The following TENM2 variants were observed in gnomAD, a reference collection of about 807,000 sequenced individuals.
TENM2 encodes teneurin-2.
TENM2 carries 52 observed loss-of-function variants against 245.2 expected under a neutral mutation model. That is an observed-to-expected ratio of 0.21 (90% CI 0.17 to 0.27). The LOEUF (loss-of-function observed/expected upper bound fraction) is 0.27, where lower values mean the gene tolerates loss of function less well. TENM2 is among the 10% of genes least tolerant of loss of function. TENM2 has a pLI of 1.00. For missense variants in TENM2, 3,046 were observed against 3,666.8 expected (o/e 0.83, Z 4.37); for synonymous variants, 1,363 against 1,438.9 (o/e 0.95, Z 1.19).
At chr5:167,803,935 G>T (rs1351145534) in intron 2 of TENM2, among the ~76,000 whole-genome samples, 2 of 152,086 alleles carry the variant, frequency 1.3e-5, no homozygotes, top group South Asian at 2.1e-4. Context: ...GGCTGATATT[G>T]GTTGAGCATC....
intron 2 of TENM2, among the ~76,000 whole-genome samples, chr5:167,484,455 T>C (rs922752480): frequency 2.6e-5 from 4 of 152,058 alleles, no homozygotes; most frequent in Admixed American, 2.6e-4. Flanking sequence ...TGTCCATATA[T>C]GAATCAATGA....
intron 2 of TENM2, among the ~76,000 whole-genome samples, chr5:167,481,516 GT>G (rs1767758247): frequency 6.6e-6 from 1 of 152,172 alleles, no homozygotes; most frequent in South Asian, 2.1e-4. Flanking sequence ...GCACGGTTCT[GT>G]AGCTGCAACA....
At chr5:167,937,183 A>G (rs1023157324) in intron 3 of TENM2, among the ~76,000 whole-genome samples, 2 of 152,216 alleles carry the variant, frequency 1.3e-5, no homozygotes, top group African/African-American at 2.4e-5. Flanking sequence ...ATACTTTGTT[A>G]TTAACTCTAG....
intron 2 of TENM2, among the ~76,000 whole-genome samples, chr5:167,800,377 G>A (rs1471029568): frequency 6.6e-6 from 1 of 152,180 alleles, no homozygotes; most frequent in African/African-American, 2.4e-5. Flanking sequence ...AAAACGAATG[G>A]AAGTCTGTCG....
At chr5:167,589,032 G>C (rs1775697279) in intron 2 of TENM2, among the ~76,000 whole-genome samples, 1 of 152,008 alleles carries the variant, frequency 6.6e-6, no homozygotes, top group East Asian at 1.9e-4. Context: ...AAAACCCTGT[G>C]TCTACTAAAA....
chr5:167,809,342 A>G (rs2150985648), intron 2 of TENM2, among the ~76,000 whole-genome samples: 1 of 152,274 alleles, frequency 6.6e-6, no homozygotes, highest in Non-Finnish European at 1.5e-5. Context: ...TTTTCTTCAA[A>G]CAGGGCCAGT....
At chr5:168,214,557 T>C (rs185651579) in intron 20 of TENM2, among the ~76,000 whole-genome samples, 3 of 152,302 alleles carry the variant, frequency 2.0e-5, no homozygotes, top group Admixed American at 2.0e-4. Context: ...CTTCCCATGA[T>C]AAAATTAGGA....
chr5:167,924,396 T>C (rs937260225), intron 3 of TENM2, among the ~76,000 whole-genome samples: 4 of 152,220 alleles, frequency 2.6e-5, no homozygotes, highest in African/African-American at 9.6e-5. Context: ...ACGTTGTTTT[T>C]CTCGACAGGA....
chr5:167,946,703 C>G (rs758120360), intron 3 of TENM2, among the ~76,000 whole-genome samples: 2 of 152,134 alleles, frequency 1.3e-5, no homozygotes, highest in African/African-American at 4.8e-5. Flanking sequence ...GACCTGGGAT[C>G]GTGTGCCAGC....
intron 2 of TENM2, among the ~76,000 whole-genome samples, chr5:167,857,409 T>C (rs1771191217): frequency 6.6e-6 from 1 of 152,228 alleles, no homozygotes; most frequent in Non-Finnish European, 1.5e-5. Flanking sequence ...TTATTTCTAG[T>C]ACACACATCA....
chr5:168,171,561 C>G (rs1238860915), intron 13 of TENM2, among the ~76,000 whole-genome samples: 1 of 152,074 alleles, frequency 6.6e-6, no homozygotes, highest in Non-Finnish European at 1.5e-5. Context: ...TGTAATTGAC[C>G]ATTGAATTAG....
At chr5:167,339,521 T>A (rs758425284) in intron 1 of TENM2, among the ~76,000 whole-genome samples, 28 of 152,194 alleles carry the variant, frequency 1.8e-4, no homozygotes, top group African/African-American at 6.3e-4. Context: ...TTATTCTTTT[T>A]TTTTTCAATA....
rs374183177 is a variant in TENM2 at position 167,393,949 on chromosome 5, C to A, written c.502+18476C>A. Among the ~76,000 whole-genome samples the A allele has an allele frequency of 3.4e-3, 513 of 152,222 alleles. 5 individuals carry two copies. Among genetic ancestry groups the A allele is most frequent in the South Asian group, 0.023 (113 of 4,824 alleles). On this transcript the variant is annotated intron_variant, in intron 2 of 28. Transcript: ENST00000518659. ...CAATTCCTTGAAGATTACTCTCAAT[C>A]CTGTGCACATTTTAAAATAAGGCTA...
At chr5:167,661,653 A>C (rs1755214812) in intron 2 of TENM2, among the ~76,000 whole-genome samples, 1 of 152,216 alleles carries the variant, frequency 6.6e-6, no homozygotes, top group Non-Finnish European at 1.5e-5. Context: ...AGGACAACAG[A>C]AATAAGAATT....
At position 168,127,015 on chromosome 5, in the gene TENM2, C is replaced by T. The variant is rs997444065; in HGVS notation, c.2422+49C>T. ...AATTGTAGATCTATAGTGATGGTCG[C>T]GCATGGCAACTGGCTGTTCCTTCAG... On this transcript the variant is annotated intron_variant, in intron 12 of 28. Transcript: ENST00000518659. 23 of 1,466,336 alleles carry T rather than the reference C, an allele frequency of 1.6e-5. No individual in the cohort carries two copies. The Middle Eastern group carries it at 5.2e-4, about 33-fold the overall frequency. The allele number at this position is 1,466,336 out of a possible 1,614,324, so 90.8% of individuals were successfully genotyped here.
At chr5:167,872,495 A>G (rs1473290327) in intron 2 of TENM2, among the ~76,000 whole-genome samples, 8 of 12,668 alleles carry the variant, frequency 6.3e-4, no homozygotes, top group Non-Finnish European at 8.5e-4. Context: ...AAAGAAAGAA[A>G]GAAAGAAAGA....
At chr5:167,457,967 A>G (rs1326596441) in intron 2 of TENM2, among the ~76,000 whole-genome samples, 1 of 152,208 alleles carries the variant, frequency 6.6e-6, no homozygotes, top group Non-Finnish European at 1.5e-5. Flanking sequence ...TCATTTGGGA[A>G]AAAGAGAGGC....
At chr5:167,450,417 A>G (rs1201347724) in intron 2 of TENM2, among the ~76,000 whole-genome samples, 1 of 152,192 alleles carries the variant, frequency 6.6e-6, no homozygotes, top group Non-Finnish European at 1.5e-5. Context: ...CTCTCCTTCT[A>G]GAATATAAGC....
chr5:167,319,239 C>T (rs1756570122), intron 1 of TENM2, among the ~76,000 whole-genome samples: 2 of 152,120 alleles, frequency 1.3e-5, no homozygotes, highest in Non-Finnish European at 2.9e-5. Context: ...GGGTCAGATG[C>T]CCTAATTCTG....
Sources: gnomAD v4.1 joint callset for allele counts (sites outside exome capture counted in the v4.1 genomes callset) on GRCh38, gnomAD v4.1.1 for gene constraint, MANE v1.5 for transcripts, NCBI Gene and HGNC (gene_info 2026-07-23, HGNC 2026-07-21) for gene names.